Variants in PYHIN1 observed in about 807,000 individuals in gnomAD.
PYHIN1 encodes pyrin and HIN domain-containing protein 1.
A neutral mutation model predicts 43.7 loss-of-function variants in PYHIN1; 32 were observed. The ratio of observed to expected loss-of-function variants is 0.73; its 90% CI spans 0.55 to 0.98. The LOEUF is 0.98. Ranked by LOEUF, PYHIN1 falls within the 50% of genes least tolerant of loss-of-function variation. The pLI is 0.00. For synonymous variants in PYHIN1, 205 were observed against 203.1 expected, an observed-to-expected ratio of 1.01 and a Z score of -0.08; for missense variants, 588 against 589.5, an observed-to-expected ratio of 1.00 and a Z score of 0.03.
In PYHIN1 at chr1:158,973,716, C is replaced by G. The variant is rs760788876; in HGVS notation, c.1429C>G (p.Pro477Ala). ...NFRITSPTVA[P>A]PLSSDTSTNR... is the part of the protein sequence containing the mutation. Reference sequence around the variant, plus strand: ...TAGAATCACCTCACCAACTGTGGCCCCTCCTCTTTCTTCTGACACTTCCAC... The same window carrying G: ...TAGAATCACCTCACCAACTGTGGCCGCTCCTCTTTCTTCTGACACTTCCAC... The change falls in exon 8 of 9, where the codon CCT becomes GCT. Residue 477 changes from proline (P) to alanine (A), a missense_variant. Pro to Ala is a conservative substitution (Grantham distance 27). Coordinates refer to ENST00000368140, the MANE Select transcript of PYHIN1 (RefSeq NM_152501.5). 1 of 1,613,240 alleles carries G rather than the reference C, an allele frequency of 6.2e-7. No homozygotes were observed. Among genetic ancestry groups the G allele is most frequent in the South Asian group, 1.1e-5 (1 of 91,044 alleles).
the PYHIN1 span, among the ~76,000 whole-genome samples, chr1:158,988,192 G>A: frequency 1.3e-5 from 2 of 152,080 alleles, no homozygotes; most frequent in African/African-American, 4.8e-5. Flanking sequence ...TCTTTTAGAG[G>A]CCCTAGAAAA....
intron 7 of PYHIN1, among the ~76,000 whole-genome samples, chr1:158,962,703 C>A (rs947854846): frequency 6.6e-6 from 1 of 152,216 alleles, no homozygotes; most frequent in African/African-American, 2.4e-5. Context: ...CAGCACACAG[C>A]AGCGAGCATT....
chr1:158,942,808 C>T (rs1266045912), intron 5 of PYHIN1, among the ~76,000 whole-genome samples: 1 of 152,106 alleles, frequency 6.6e-6, no homozygotes, highest in Non-Finnish European at 1.5e-5. Context: ...TTCTTTGAGG[C>T]TTGAGTTCCA....
chr1:158,973,399 T>C lies in PYHIN1; in HGVS notation c.1360-248T>C, dbSNP rs141863120. On this transcript the variant is annotated intron_variant, in intron 7 of 8. Transcript: ENST00000368140. ...TCCAGCTCAGATCCATTTTCTCTTA[T>C]ACTATATGCTAGTTTCTGTGTATGC... Among the ~76,000 whole-genome samples the C allele has an allele frequency of 3.5e-4, 53 of 152,034 alleles. No homozygotes were observed. In the East Asian group the frequency reaches 7.5e-3, roughly 22 times the overall value.
intron 7 of PYHIN1, among the ~76,000 whole-genome samples, chr1:158,968,738 T>G (rs986611072): frequency 5.3e-5 from 8 of 152,134 alleles, no homozygotes; most frequent in Admixed American, 3.3e-4. Flanking sequence ...GTGTGGCACA[T>G]GCACACCATG....
chr1:158,960,055 C>G (rs1293720220), intron 7 of PYHIN1, among the ~76,000 whole-genome samples: 1 of 152,204 alleles, frequency 6.6e-6, no homozygotes, highest in Non-Finnish European at 1.5e-5. Context: ...CAACAGACAC[C>G]TCCACCACCT....
intron 7 of PYHIN1, among the ~76,000 whole-genome samples, chr1:158,969,987 T>G (rs1650845848): frequency 6.6e-6 from 1 of 151,960 alleles, no homozygotes; most frequent in Non-Finnish European, 1.5e-5. Context: ...ATTCACCAGG[T>G]GAGCAGGAAA....
chr1:158,983,727 T>A, the PYHIN1 span, among the ~76,000 whole-genome samples: 1 of 152,184 alleles, frequency 6.6e-6, no homozygotes, highest in Non-Finnish European at 1.5e-5. Context: ...CAGCTCCTCC[T>A]TATCTATCAG....
At chr1:158,957,230 TC>T (rs1291962812) in intron 7 of PYHIN1, among the ~76,000 whole-genome samples, 1 of 146,342 alleles carries the variant, frequency 6.8e-6, no homozygotes, top group African/African-American at 2.5e-5. Flanking sequence ...CCAATGACTT[TC>T]TTCACAGAAT....
rs1650849445 is a variant in PYHIN1 at position 158,970,055 on chromosome 1, A to AT, written c.1360-3590dup. On this transcript the variant is annotated intron_variant, in intron 7 of 8. Coordinates refer to ENST00000368140, the MANE Select transcript of PYHIN1 (RefSeq NM_152501.5). The stretch of plus-strand genomic sequence containing the variant: ...AAAAATTTGTGTATGATATAGGTTC[A>AT]TTATGCTTTGGGATCTAAACCCCGA... Among the ~76,000 whole-genome samples, 5 of 152,082 alleles carry AT rather than the reference A, an allele frequency of 3.3e-5. No homozygotes were observed. The South Asian group carries it at 1.0e-3, about 32-fold the overall frequency.
chr1:158,982,892 T>C, the PYHIN1 span, among the ~76,000 whole-genome samples: 1 of 152,066 alleles, frequency 6.6e-6, no homozygotes, highest in Non-Finnish European at 1.5e-5. Flanking sequence ...GTTTATTCTT[T>C]GTGTGGCTAT....
At chr1:158,961,421 A>T (rs1571767392) in intron 7 of PYHIN1, among the ~76,000 whole-genome samples, 2 of 152,166 alleles carry the variant, frequency 1.3e-5, no homozygotes, top group African/African-American at 2.4e-5. Context: ...GAGGGCCAAG[A>T]TGACTAGCTA....
At chr1:158,962,631 C>T (rs1326901463) in intron 7 of PYHIN1, among the ~76,000 whole-genome samples, 12 of 152,248 alleles carry the variant, frequency 7.9e-5, no homozygotes. Context: ...TGCAGTGGCA[C>T]TGCCCTAACT....
chr1:158,961,469 G>C (rs1343278993), intron 7 of PYHIN1, among the ~76,000 whole-genome samples: 2 of 152,126 alleles, frequency 1.3e-5, no homozygotes, highest in African/African-American at 4.8e-5. Context: ...AGAGAGAAGA[G>C]AGTAGCAAGT....
the PYHIN1 span, among the ~76,000 whole-genome samples, chr1:158,986,035 T>C: frequency 6.6e-6 from 1 of 152,300 alleles, no homozygotes; most frequent in East Asian, 1.9e-4. Flanking sequence ...AATGGCTATT[T>C]TATCTTTAAG....
chr1:158,949,497 G>T (rs1649408813), intron 7 of PYHIN1, among the ~76,000 whole-genome samples: 1 of 151,584 alleles, frequency 6.6e-6, no homozygotes. Flanking sequence ...TCGTCATCTA[G>T]CATTAGGTAT....
At chr1:158,971,280 T>C (rs1051700046) in intron 7 of PYHIN1, among the ~76,000 whole-genome samples, 7 of 151,920 alleles carry the variant, frequency 4.6e-5, no homozygotes, top group Non-Finnish European at 8.8e-5. Context: ...AGTGATTTGA[T>C]ATTGGAAGTA....
chr1:158,945,834 G>T (rs1298336350), intron 7 of PYHIN1, among the ~76,000 whole-genome samples: 1 of 152,166 alleles, frequency 6.6e-6, no homozygotes, highest in Non-Finnish European at 1.5e-5. Flanking sequence ...GGTCTTACAT[G>T]TTGTTCCTGA....
chr1:158,983,931 T>C, the PYHIN1 span, among the ~76,000 whole-genome samples: 1 of 125,966 alleles, frequency 7.9e-6, no homozygotes, highest in Non-Finnish European at 1.7e-5. Context: ...AGCATAGAAA[T>C]TGTTCATAAT....
Sources: gnomAD v4.1 joint callset for allele counts (sites outside exome capture counted in the v4.1 genomes callset) on GRCh38, gnomAD v4.1.1 for gene constraint, MANE v1.5 for transcripts, NCBI Gene and HGNC (gene_info 2026-07-23, HGNC 2026-07-21) for gene names.